MGMT: variants seen among roughly 807,000 people sequenced by gnomAD.
MGMT encodes the protein methylated-DNA--protein-cysteine methyltransferase.
Under a neutral mutation model 15.9 loss-of-function variants are expected in MGMT, and 14 were observed. The ratio of observed to expected loss-of-function variants is 0.88; its 90% CI spans 0.58 to 1.37. The LOEUF (loss-of-function observed/expected upper bound fraction) is 1.37, where lower values mean the gene tolerates loss of function less well. MGMT is among the 40% of genes most tolerant of loss of function. The pLI is 0.00. For missense variants in MGMT, 282 were observed against 268.1 expected (o/e 1.05, Z -0.36); for synonymous variants, 130 against 118.2 (o/e 1.10, Z -0.65).
chr10:129,628,641 C>T (rs961009971), intron 2 of MGMT, among the ~76,000 whole-genome samples: 3 of 152,158 alleles, frequency 2.0e-5, no homozygotes, highest in Non-Finnish European at 2.9e-5. Flanking sequence ...TCAATGAGTC[C>T]ACAGTTCGTG....
At chr10:129,539,866 T>C (rs567432810) in intron 2 of MGMT, among the ~76,000 whole-genome samples, 1 of 152,380 alleles carries the variant, frequency 6.6e-6, no homozygotes, top group South Asian at 2.1e-4. Context: ...TATTTATTTT[T>C]GAAAGGTTTG....
At position 129,644,025 on chromosome 10, in the gene MGMT, A is replaced by G. The variant is rs1048953796; in HGVS notation, c.126-63870A>G. ...GCGAATATCTGCAGATGCCTACTGT[A>G]TGCCCAGCCCAGCCTCTCTACAGAG... On this transcript the variant is annotated intron_variant, in intron 2 of 4. Coordinates refer to ENST00000651593, the MANE Select transcript of MGMT (RefSeq NM_002412.5). Among the ~76,000 whole-genome samples, 6 of 152,156 alleles carry G rather than the reference A, an allele frequency of 3.9e-5. 1 individual carries two copies. The highest frequency in any genetic ancestry group is 6.5e-5 in the Admixed American group (1 of 15,282).
intron 3 of MGMT, among the ~76,000 whole-genome samples, chr10:129,713,550 C>G (rs1378223928): frequency 3.3e-5 from 5 of 152,106 alleles, no homozygotes. Flanking sequence ...AGTACCGGGG[C>G]CGCCACCAGG....
At chr10:129,743,098 T>C (rs1489381829) in intron 3 of MGMT, among the ~76,000 whole-genome samples, 1 of 152,188 alleles carries the variant, frequency 6.6e-6, no homozygotes, top group Non-Finnish European at 1.5e-5. Flanking sequence ...GTGGGTGGTA[T>C]ATGGTGGGCT....
intron 2 of MGMT, among the ~76,000 whole-genome samples, chr10:129,594,218 G>A (rs1589884500): frequency 1.3e-5 from 2 of 152,228 alleles, no homozygotes; most frequent in Non-Finnish European, 2.9e-5. Flanking sequence ...CTCAGCCTCT[G>A]GGCTTAAGCT....
intron 2 of MGMT, among the ~76,000 whole-genome samples, chr10:129,551,501 C>T (rs1433709887): frequency 6.6e-6 from 1 of 152,032 alleles, no homozygotes; most frequent in African/African-American, 2.4e-5. Flanking sequence ...AAGCAGGCCC[C>T]CCATGCTTGC....
chr10:129,468,971 G>T (rs548846441), intron 1 of MGMT, among the ~76,000 whole-genome samples: 42 of 152,302 alleles, frequency 2.8e-4, no homozygotes, highest in African/African-American at 9.4e-4. Flanking sequence ...TGTTAGTAAG[G>T]TTGAAAGAAA....
At chr10:129,733,858 T>A (rs565258059) in intron 3 of MGMT, among the ~76,000 whole-genome samples, 1 of 152,198 alleles carries the variant, frequency 6.6e-6, no homozygotes, top group African/African-American at 2.4e-5. Flanking sequence ...TTGTCAAAGA[T>A]CAGATAGTTG....
At chr10:129,731,038 G>C (rs1204281011) in intron 3 of MGMT, among the ~76,000 whole-genome samples, 1 of 152,176 alleles carries the variant, frequency 6.6e-6, no homozygotes, top group Non-Finnish European at 1.5e-5. Context: ...GAGCCTCCTA[G>C]GTGAAACTGT....
chr10:129,664,676 A>C (rs1444377429), intron 2 of MGMT, among the ~76,000 whole-genome samples: 1 of 152,174 alleles, frequency 6.6e-6, no homozygotes, highest in Admixed American at 6.5e-5. Flanking sequence ...GGCAGCAAAG[A>C]CACAAAAGGA....
intron 3 of MGMT, among the ~76,000 whole-genome samples, chr10:129,744,761 C>T (rs956314133): frequency 2.6e-5 from 4 of 152,198 alleles, no homozygotes; most frequent in African/African-American, 7.2e-5. Flanking sequence ...CATCGCCAGC[C>T]GTGTGCGCAA....
chr10:129,608,962 G>C (rs539226907), intron 2 of MGMT, among the ~76,000 whole-genome samples: 1 of 152,272 alleles, frequency 6.6e-6, no homozygotes, highest in African/African-American at 2.4e-5. Flanking sequence ...TGCTTACGCA[G>C]TACACTGTGT....
At chr10:129,758,281 C>T (rs928233912) in intron 3 of MGMT, among the ~76,000 whole-genome samples, 1 of 152,178 alleles carries the variant, frequency 6.6e-6, no homozygotes, top group Non-Finnish European at 1.5e-5. Context: ...CTCAGAACAT[C>T]GTTCCTGCCC....
Position 129,769,817 on chromosome 10 carries a change from G to A in MGMT, c.*2820G>A, listed in dbSNP as rs932905799. ...AGGCCAGAGAAGAGAAGCTATGACCGTGCAAACATGCATGTTATGGTGTTG... is the reference window on the plus strand; with the variant it reads ...AGGCCAGAGAAGAGAAGCTATGACCATGCAAACATGCATGTTATGGTGTTG... On this transcript the variant is annotated 3_prime_UTR_variant, in exon 5 of 5. Coordinates refer to ENST00000651593, the MANE Select transcript of MGMT (RefSeq NM_002412.5). Among the ~76,000 whole-genome samples the A allele has an allele frequency of 1.5e-4, 23 of 152,136 alleles. No individual in the cohort carries two copies. Among genetic ancestry groups the A allele is most frequent in the African/African-American group, 5.1e-4 (21 of 41,422 alleles).
At chr10:129,607,839 A>G (rs887333325) in intron 2 of MGMT, among the ~76,000 whole-genome samples, 4 of 152,196 alleles carry the variant, frequency 2.6e-5, no homozygotes, top group Non-Finnish European at 4.4e-5. Context: ...TGACAGGACA[A>G]TTCCATTTTT....
At chr10:129,518,337 T>TACACACACACACACACAAAC (rs1845762783) in intron 1 of MGMT, among the ~76,000 whole-genome samples, 1 of 119,580 alleles carries the variant, frequency 8.4e-6, no homozygotes, top group Non-Finnish European at 1.8e-5. Flanking sequence ...TACACACACA[T>TACACACACACACACACAAAC]ACACACACAC....
chr10:129,630,469 C>T (rs1847197575), intron 2 of MGMT, among the ~76,000 whole-genome samples: 1 of 152,180 alleles, frequency 6.6e-6, no homozygotes, highest in Non-Finnish European at 1.5e-5. Context: ...CTGAACTTGC[C>T]AGCTACCTTT....
At chr10:129,580,590 C>A (rs1157075205) in intron 2 of MGMT, among the ~76,000 whole-genome samples, 1 of 152,202 alleles carries the variant, frequency 6.6e-6, no homozygotes, top group Non-Finnish European at 1.5e-5. Flanking sequence ...GAGAGGCAGT[C>A]CTCCAGAGTG....
intron 2 of MGMT, among the ~76,000 whole-genome samples, chr10:129,577,191 A>C (rs986802454): frequency 3.9e-5 from 6 of 152,244 alleles, no homozygotes; most frequent in Non-Finnish European, 5.9e-5. Flanking sequence ...GCTACTTTAA[A>C]GTTCGTATGG....
Sources: allele counts gnomAD v4.1 joint callset (sites outside exome capture counted in the v4.1 genomes callset), GRCh38; gene constraint gnomAD v4.1.1; transcripts MANE v1.5; gene names NCBI Gene and HGNC (gene_info 2026-07-23, HGNC 2026-07-21).